TCF7L2: variants seen among roughly 807,000 people sequenced by gnomAD.
TCF7L2 encodes transcription factor 7 like 2, also known as transcription factor 7-like 2.
In TCF7L2, 23 loss-of-function variants were observed where a neutral mutation model predicts 77.9. The observed-to-expected ratio is 0.30, with a 90% CI of 0.21 to 0.42. The LOEUF (loss-of-function observed/expected upper bound fraction) is 0.42. Among genes scored for constraint, TCF7L2 ranks in the 10% least tolerant of loss-of-function variants. The pLI, the probability that TCF7L2 is intolerant of heterozygous loss-of-function variation, is 1.00. For synonymous variants in TCF7L2, 413 were observed against 340.2 expected, an observed-to-expected ratio of 1.21 and a Z score of -2.36; for missense variants, 654 against 793.1, an observed-to-expected ratio of 0.82 and a Z score of 2.11.
At chr10:113,148,684 AGCTGCTTAGAAT>A in intron 8 of TCF7L2, among the ~76,000 whole-genome samples, 1 of 152,184 alleles carries the variant, frequency 6.6e-6, no homozygotes, top group Non-Finnish European at 1.5e-5. Context: ...GTATATAATG[AGCTGCTTAGAAT>A]TTTTAGGGTG....
rs1048289866 is a variant in TCF7L2 at position 112,976,724 on chromosome 10, T to C, written c.450+12100T>C. 3.3e-5 allele frequency among the ~76,000 whole-genome samples: 5 copies of C among 152,196 alleles called. No individual in the cohort carries two copies. In the East Asian group the frequency reaches 9.6e-4, roughly 29 times the overall value. ...CTTTTATAATATGAAAGACCAAAAA[T>C]AATTTGTTTTTGTGCTCAGCCAGGT... On this transcript the variant is annotated intron_variant, in intron 4 of 13. Transcript: ENST00000627217.
intron 4 of TCF7L2, among the ~76,000 whole-genome samples, chr10:112,994,919 G>A (rs2043190919): frequency 1.3e-5 from 2 of 152,246 alleles, no homozygotes; most frequent in South Asian, 4.1e-4. Context: ...GGCCAACATG[G>A]CGAAACCCCA....
At position 113,070,266 on chromosome 10, in the gene TCF7L2, A is replaced by ATTTATATATATAT. The variant is rs953072031; in HGVS notation, c.552+30140_552+30141insTTTATATATATAT. On this transcript the variant is annotated intron_variant, in intron 5 of 13. Coordinates refer to ENST00000627217, the MANE Select transcript of TCF7L2 (RefSeq NM_001146274.2). ...TGAGACTCCGTCTTAAAAAAAAAAAAATTTATATATATATATATATATATG... is the reference window on the plus strand; with the variant it reads ...TGAGACTCCGTCTTAAAAAAAAAAAATTTATATATATATATTTATATATATATATATATATATG... Among the ~76,000 whole-genome samples the ATTTATATATATAT allele has an allele frequency of 4.0e-3, 388 of 96,380 alleles. 1 individual carries two copies. The highest frequency in any genetic ancestry group is 5.1e-3 in the Middle Eastern group (1 of 196). The allele number at this position is 96,380 out of a possible 152,430, so 63.2% of individuals were successfully genotyped here.
At chr10:113,055,219 A>G (rs927902925) in intron 5 of TCF7L2, among the ~76,000 whole-genome samples, 1 of 152,216 alleles carries the variant, frequency 6.6e-6, no homozygotes, top group Non-Finnish European at 1.5e-5. Context: ...GGATGAGTTG[A>G]TTGGATCAAT....
Position 113,158,023 on chromosome 10 carries a change from A to AAAG in TCF7L2, c.1283_1285dup (p.Lys428dup), listed in dbSNP as rs773947352. 6.3e-7 allele frequency: 1 copy of AAAG among 1,591,326 alleles called. No individual in the cohort carries two copies. Among genetic ancestry groups the AAAG allele is most frequent in the Non-Finnish European group, 8.6e-7 (1 of 1,167,746 alleles). On this transcript the variant is annotated inframe_insertion, in exon 12 of 14. Transcript: ENST00000627217. ...CTGTGTTTCATCTCTTCATCTAGGG[A>AAAG]AAGAAGAAGAAGAGGAAAAGGGACA...
At chr10:113,095,370 GTGGGAC>G (rs1362868618) in intron 5 of TCF7L2, among the ~76,000 whole-genome samples, 1 of 152,196 alleles carries the variant, frequency 6.6e-6, no homozygotes, top group Non-Finnish European at 1.5e-5. Context: ...AGGATGGGAG[GTGGGAC>G]TGCCAGATTA....
chr10:113,124,095 T>C (rs185278501), intron 5 of TCF7L2, among the ~76,000 whole-genome samples: 83 of 152,284 alleles, frequency 5.5e-4, no homozygotes, highest in Non-Finnish European at 9.8e-4. Context: ...TCAGTGGCTA[T>C]GGCAGGAGGG....
intron 5 of TCF7L2, among the ~76,000 whole-genome samples, chr10:113,134,583 T>C (rs1195080059): frequency 6.6e-6 from 1 of 152,242 alleles, no homozygotes; most frequent in African/African-American, 2.4e-5. Context: ...CCTTCCTTCA[T>C]TGTGTTCCCA....
intron 5 of TCF7L2, among the ~76,000 whole-genome samples, chr10:113,130,821 AGTGGCGAGATCTCG>A (rs2136516480): frequency 6.6e-6 from 1 of 152,018 alleles, no homozygotes; most frequent in South Asian, 2.1e-4. Flanking sequence ...GCTGGAGTGC[AGTGGCGAGATCTCG>A]GCTCACTGCA....
chr10:113,144,199 T>TG (rs1170577778), intron 7 of TCF7L2, among the ~76,000 whole-genome samples, 174 bp downstream of exon 7: 1 of 151,282 alleles, frequency 6.6e-6, no homozygotes, highest in Admixed American at 6.6e-5. Flanking sequence ...GAAAAGGTGT[T>TG]GCTGAGGTGT....
chr10:113,071,569 G>A (rs2058022246), intron 5 of TCF7L2, among the ~76,000 whole-genome samples: 1 of 152,128 alleles, frequency 6.6e-6, no homozygotes, highest in Non-Finnish European at 1.5e-5. Context: ...ACACTCAGGA[G>A]GGAGGAATCT....
intron 5 of TCF7L2, among the ~76,000 whole-genome samples, chr10:113,043,778 C>T (rs1334827044): frequency 6.6e-6 from 1 of 152,044 alleles, no homozygotes; most frequent in Non-Finnish European, 1.5e-5. Flanking sequence ...TCTTTGCTCC[C>T]TTTTTTCCTC....
rs536079260 is a variant in TCF7L2, at chr10:113,029,496, T to C, written c.451-10529T>C. Among the ~76,000 whole-genome samples the C allele has an allele frequency of 5.3e-5, 8 of 152,044 alleles. No individual in the cohort carries two copies. In the East Asian group the frequency reaches 1.5e-3, roughly 29 times the overall value. The stretch of plus-strand genomic sequence containing the variant: ...ATTCTTCTATGGTGGAGTGTGTGTG[T>C]ATGTGACTCTGTCTTCTCTCCATTC... On this transcript the variant is annotated intron_variant, in intron 4 of 13. Coordinates refer to ENST00000627217, the MANE Select transcript of TCF7L2 (RefSeq NM_001146274.2).
At chr10:113,159,313 A>G (rs2072630910) in intron 12 of TCF7L2, among the ~76,000 whole-genome samples, 1 of 152,048 alleles carries the variant, frequency 6.6e-6, no homozygotes, top group Admixed American at 6.5e-5. Flanking sequence ...TCTCTTAATA[A>G]TTAATGAAAA....
chr10:113,127,267 A>T (rs2065804688), intron 5 of TCF7L2, among the ~76,000 whole-genome samples: 1 of 149,470 alleles, frequency 6.7e-6, no homozygotes, highest in African/African-American at 2.5e-5. Context: ...TCTGTCCACC[A>T]AGTTAAAGAC....
At chr10:112,998,450 T>C (rs1388946559) in intron 4 of TCF7L2, among the ~76,000 whole-genome samples, 1 of 152,180 alleles carries the variant, frequency 6.6e-6, no homozygotes, top group Admixed American at 6.5e-5. Context: ...CAGATGGTAA[T>C]GCAGATGTGA....
chr10:112,951,298 A>AGCCGCCCGGAGCC lies in TCF7L2; in HGVS notation c.256+29_256+41dup, dbSNP rs776391904. On this transcript the variant is annotated intron_variant, in intron 2 of 13. Transcript: ENST00000627217. ...GGTGAGTACGCCCCGCGCGCCCCGCAGCCGCCCGGAGCCGCCCCCCGGGCC... is the reference window on the plus strand; with the variant it reads ...GGTGAGTACGCCCCGCGCGCCCCGCAGCCGCCCGGAGCCGCCGCCCGGAGCCGCCCCCCGGGCC... 114 of 1,120,176 alleles carry AGCCGCCCGGAGCC rather than the reference A, an allele frequency of 1.0e-4. No individual in the cohort carries two copies. The Middle Eastern group carries it at 1.1e-3, about 11-fold the overall frequency. 69.4% of individuals were successfully genotyped at this position (1,120,176 alleles called of 1,614,324 possible). A position where few individuals can be genotyped will look rare whatever the true frequency, so the allele number is the denominator to read the frequency against.
intron 5 of TCF7L2, among the ~76,000 whole-genome samples, chr10:113,075,411 A>T (rs1338890701): frequency 6.6e-6 from 1 of 151,858 alleles, no homozygotes; most frequent in East Asian, 1.9e-4. Context: ...GTGAGCTGAG[A>T]TCGTGCCATT....
intron 4 of TCF7L2, among the ~76,000 whole-genome samples, chr10:113,014,788 AAAAAC>A (rs1483755006): frequency 6.6e-6 from 1 of 151,902 alleles, no homozygotes; most frequent in Non-Finnish European, 1.5e-5. Context: ...TTCATCTCAC[AAAAAC>A]AAACAAACAA....
Sources: allele counts gnomAD v4.1 joint callset (sites outside exome capture counted in the v4.1 genomes callset), GRCh38; gene constraint gnomAD v4.1.1; transcripts MANE v1.5; gene names NCBI Gene and HGNC (gene_info 2026-07-23, HGNC 2026-07-21).